PCDH9: variants seen among roughly 807,000 people sequenced by gnomAD.
PCDH9 encodes protocadherin-9.
PCDH9 carries 24 observed loss-of-function variants against 70.6 expected under a neutral mutation model. That is an observed-to-expected ratio of 0.34 (90% CI 0.25 to 0.48). The LOEUF is 0.48. Among genes scored for constraint, PCDH9 ranks in the 20% least tolerant of loss-of-function variants. The pLI is 0.99. For missense variants in PCDH9, 1,281 were observed against 1,503.6 expected, an observed-to-expected ratio of 0.85 and a Z score of 2.45; for synonymous variants, 562 against 558.5, an observed-to-expected ratio of 1.01 and a Z score of -0.09.
At position 66,303,651 on chromosome 13, in the gene PCDH9, T is replaced by G. The variant is rs182150522; in HGVS notation, c.*1004A>C. On this transcript the variant is annotated 3_prime_UTR_variant, in exon 5 of 5. Coordinates refer to ENST00000377865, the MANE Select transcript of PCDH9 (RefSeq NM_203487.3). ...ATATGCTAATTTTGATACATTAGTT[T>G]TACATGAGTGACAAGTACAGGATAT... 326 of 152,608 alleles carry G rather than the reference T, an allele frequency of 2.1e-3. 2 individuals carry two copies. The highest frequency in any genetic ancestry group is 7.5e-3 in the African/African-American group (313 of 41,550). 9.5% of individuals were successfully genotyped at this position (152,608 alleles called of 1,614,324 possible). A position where few individuals can be genotyped will look rare whatever the true frequency, so the allele number is the denominator to read the frequency against.
chr13:66,623,885 A>G lies in PCDH9; in HGVS notation c.3340+7325T>C, dbSNP rs142804407. On this transcript the variant is annotated intron_variant, in intron 4 of 4. Coordinates refer to ENST00000377865, the MANE Select transcript of PCDH9 (RefSeq NM_203487.3). ...CTGGGTCATAAACAGGACTTATTAA[A>G]TATTAACCATAAATGTCAGGTATTA... 3.6e-3 allele frequency among the ~76,000 whole-genome samples: 548 copies of G among 152,350 alleles called. 1 individual carries two copies. The highest frequency in any genetic ancestry group is 0.013 in the African/African-American group (526 of 41,588).
chr13:66,656,306 C>T (rs2077928398), intron 3 of PCDH9, among the ~76,000 whole-genome samples: 1 of 152,138 alleles, frequency 6.6e-6, no homozygotes, highest in Admixed American at 6.5e-5. Flanking sequence ...CTGTCCATCC[C>T]AACATTAGTG....
chr13:66,729,159 C>T (rs1183586913), intron 3 of PCDH9, among the ~76,000 whole-genome samples: 2 of 152,014 alleles, frequency 1.3e-5, no homozygotes, highest in Admixed American at 1.3e-4. Context: ...TCATTATCTC[C>T]CCAAATTTGT....
intron 2 of PCDH9, among the ~76,000 whole-genome samples, chr13:67,150,312 C>T (rs943827614): frequency 2.6e-5 from 4 of 152,170 alleles, no homozygotes; most frequent in Non-Finnish European, 4.4e-5. Context: ...GATGGGATTA[C>T]AGGCATGAGC....
chr13:67,221,460 T>C (rs2089723020), intron 2 of PCDH9: 2 of 152,150 alleles, frequency 1.3e-5, no homozygotes, highest in Non-Finnish European at 2.9e-5. Context: ...ACATTTTCAG[T>C]GTATACATTC....
intron 3 of PCDH9, among the ~76,000 whole-genome samples, chr13:66,896,624 A>C (rs2082183983): frequency 6.6e-6 from 1 of 152,202 alleles, no homozygotes; most frequent in African/African-American, 2.4e-5. Context: ...ATTTACAATT[A>C]AGTATTTAAA....
chr13:66,542,415 G>T (rs1220094625), intron 4 of PCDH9, among the ~76,000 whole-genome samples: 3 of 151,910 alleles, frequency 2.0e-5, no homozygotes, highest in Non-Finnish European at 2.9e-5. Flanking sequence ...TGTAAAGAAG[G>T]TTGCCCTCAC....
rs371145143 is a variant in PCDH9 at position 66,636,110 on chromosome 13, C to A, written c.3139-4699G>T. ...GTGTGAATCTGCATAAGCTAATTTCCAACCACACATATACCAAGTGTTTAA... is the reference window on the plus strand; with the variant it reads ...GTGTGAATCTGCATAAGCTAATTTCAAACCACACATATACCAAGTGTTTAA... On this transcript the variant is annotated intron_variant, in intron 3 of 4. Coordinates refer to ENST00000377865, the MANE Select transcript of PCDH9 (RefSeq NM_203487.3). 1.8e-3 allele frequency among the ~76,000 whole-genome samples: 275 copies of A among 152,104 alleles called. 1 individual carries two copies. Among genetic ancestry groups the A allele is most frequent in the African/African-American group, 6.3e-3 (260 of 41,512 alleles).
chr13:66,888,395 G>A (rs183316896), intron 3 of PCDH9, among the ~76,000 whole-genome samples: 14 of 151,932 alleles, frequency 9.2e-5, no homozygotes, highest in South Asian at 2.1e-4. Context: ...CCAGCTACTC[G>A]GGAGGCTGAG....
At chr13:66,712,577 T>G (rs1473906571) in intron 3 of PCDH9, among the ~76,000 whole-genome samples, 1 of 152,162 alleles carries the variant, frequency 6.6e-6, no homozygotes, top group Admixed American at 6.5e-5. Context: ...AGTATTTTTT[T>G]GAAAGGAAAT....
intron 4 of PCDH9, among the ~76,000 whole-genome samples, chr13:66,510,363 A>G (rs1007691484): frequency 6.6e-6 from 1 of 151,650 alleles, no homozygotes. Context: ...ATATATATAT[A>G]CATATTTTTT....
At chr13:66,675,965 A>G (rs1203299986) in intron 3 of PCDH9, among the ~76,000 whole-genome samples, 1 of 152,174 alleles carries the variant, frequency 6.6e-6, no homozygotes, top group East Asian at 1.9e-4. Flanking sequence ...CATTACACGA[A>G]GTAATTTGAA....
chr13:66,806,607 C>T (rs77979879), intron 3 of PCDH9, among the ~76,000 whole-genome samples: 2,446 of 152,202 alleles, frequency 0.016, 82 homozygotes, highest in African/African-American at 0.054. Flanking sequence ...GCTAGTATAA[C>T]GATTAGCAGC....
chr13:66,651,059 T>C (rs1262253722), intron 3 of PCDH9, among the ~76,000 whole-genome samples: 1 of 151,606 alleles, frequency 6.6e-6, no homozygotes, highest in East Asian at 1.9e-4. Flanking sequence ...AATTTATAGG[T>C]ATAAGTGCCT....
chr13:66,592,275 TG>T, intron 4 of PCDH9, among the ~76,000 whole-genome samples: 1 of 151,750 alleles, frequency 6.6e-6, no homozygotes, highest in Middle Eastern at 3.4e-3. Context: ...GCAGGATACA[TG>T]ATCAATCCCC....
intron 2 of PCDH9, among the ~76,000 whole-genome samples, chr13:67,100,704 C>G (rs1331199060): frequency 6.6e-6 from 1 of 152,156 alleles, no homozygotes; most frequent in Admixed American, 6.5e-5. Context: ...TCTTTTCTCC[C>G]TCTTTGGCTT....
intron 2 of PCDH9, among the ~76,000 whole-genome samples, chr13:66,922,795 G>A (rs1447019011): frequency 6.6e-6 from 1 of 151,538 alleles, no homozygotes; most frequent in South Asian, 2.1e-4. Flanking sequence ...TTCTTCAGAT[G>A]ATAGAGCCAA....
At chr13:67,066,769 G>A (rs990978327) in intron 2 of PCDH9, among the ~76,000 whole-genome samples, 4 of 152,112 alleles carry the variant, frequency 2.6e-5, no homozygotes, top group African/African-American at 9.7e-5. Context: ...AATTTAATAA[G>A]TCACTTCTTA....
rs564054056 is a variant in PCDH9, at chr13:66,344,680, T to A, written c.3341-39652A>T. On this transcript the variant is annotated intron_variant, in intron 4 of 4. Transcript: ENST00000377865. ...ATTTTAGAGTCCTTCCCTTTAGCTA[T>A]ATAATGGCTTTATTTTTATGATGCC... 1.6e-4 allele frequency among the ~76,000 whole-genome samples: 25 copies of A among 152,338 alleles called. No homozygotes were observed. The South Asian group carries it at 5.2e-3, about 32-fold the overall frequency.
Sources: allele counts gnomAD v4.1 joint callset (sites outside exome capture counted in the v4.1 genomes callset), GRCh38; gene constraint gnomAD v4.1.1; transcripts MANE v1.5; gene names NCBI Gene and HGNC (gene_info 2026-07-23, HGNC 2026-07-21).